The following SMG5 variants were observed in gnomAD, a reference collection of about 807,000 sequenced individuals.
The protein encoded by SMG5 is SMG5 nonsense mediated mRNA decay factor.
In SMG5, 53 loss-of-function variants were observed where a neutral mutation model predicts 122.9. That is an observed-to-expected ratio of 0.43 (90% CI 0.35 to 0.54). The LOEUF (loss-of-function observed/expected upper bound fraction) is 0.54, where lower values mean the gene tolerates loss of function less well. Ranked by LOEUF, SMG5 falls within the 20% of genes least tolerant of loss-of-function variation. SMG5 has a pLI of 0.01. For synonymous variants in SMG5, 477 were observed against 490.2 expected, an observed-to-expected ratio of 0.97 and a Z score of 0.35; for missense variants, 1,153 against 1,285.6, an observed-to-expected ratio of 0.90 and a Z score of 1.58.
chr1:156,278,250 A>G (rs1171291611), intron 2 of SMG5, among the ~76,000 whole-genome samples: 2 of 152,130 alleles, frequency 1.3e-5, no homozygotes, highest in African/African-American at 4.8e-5. Context: ...ACGAAGCACT[A>G]AACATTCTAA....
intron 7 of SMG5, among the ~76,000 whole-genome samples, chr1:156,270,019 G>A (rs1218507201): frequency 4.6e-5 from 7 of 152,164 alleles, no homozygotes; most frequent in Non-Finnish European, 1.0e-4. Context: ...CAGCCTAGGC[G>A]ACAGAGCAAG....
In SMG5 at chr1:156,253,505, G is replaced by C. The variant is rs368623768; in HGVS notation, c.2446C>G (p.Gln816Glu). Residue 816 changes from glutamine (Q) to glutamate (E), a missense_variant, in exon 17 of 22, where the codon CAG becomes GAG. Physicochemically the swap from Gln to Glu is conservative, Grantham distance 29. Transcript: ENST00000361813. ...AGCCTGTTCCGACGAGCTTCCTCCT[G>C]TGCCTATGAGGGAAAAAATGAGCTG... ...QQAQAQFRMA[Q>E]EEARRNRLMR... The C allele has an allele frequency of 6.2e-7, 1 of 1,614,026 alleles. No individual in the cohort carries two copies. Among genetic ancestry groups the C allele is most frequent in the East Asian group, 2.2e-5 (1 of 44,872 alleles).
At chr1:156,251,800 C>T (rs1661368900) in intron 19 of SMG5, among the ~76,000 whole-genome samples, 1 of 152,222 alleles carries the variant, frequency 6.6e-6, no homozygotes, top group Non-Finnish European at 1.5e-5. Context: ...CCAGCCAGAG[C>T]AGATGCAGAG....
intron 7 of SMG5, among the ~76,000 whole-genome samples, chr1:156,271,566 G>GTTTTTTTTTTTTTTTTTTTTTTTTT (rs755111375): frequency 2.4e-5 from 2 of 82,286 alleles, no homozygotes; most frequent in African/African-American, 4.7e-5. Context: ...CCCTGAAGAG[G>GTTTTTTTTTTTTTTTTTTTTTTTTT]TTTTTTTTTT....
At chr1:156,267,871 TTCAGC>T (rs1481834997) in intron 9 of SMG5, among the ~76,000 whole-genome samples, 193 bp from the exon 10 acceptor site, 1 of 152,178 alleles carries the variant, frequency 6.6e-6, no homozygotes, top group African/African-American at 2.4e-5. Context: ...AGGCTTCCCA[TTCAGC>T]CATTCCCTCT....
chr1:156,285,907 A>T, upstream of SMG5: 1 of 1,611,594 alleles, frequency 6.2e-7, no homozygotes, highest in Non-Finnish European at 8.5e-7. Flanking sequence ...TTGATGTCCC[A>T]CGGCTGCCCA....
chr1:156,253,396 G>A lies in SMG5; in HGVS notation c.2502+53C>T, dbSNP rs149543782. 200 of 1,578,350 alleles carry A rather than the reference G, an allele frequency of 1.3e-4. No individual in the cohort carries two copies. In the Middle Eastern group the frequency reaches 1.4e-3, roughly 11 times the overall value. ...AAGGGGGAGACCTGCCAGTAGGGTT[G>A]ACACAAAAGCTCTACCAAGTGCAGA... On this transcript the variant is annotated intron_variant, in intron 17 of 21. Coordinates refer to ENST00000361813, the MANE Select transcript of SMG5 (RefSeq NM_015327.3).
At chr1:156,264,455 G>T (rs999739095) in intron 12 of SMG5, among the ~76,000 whole-genome samples, 3 of 152,032 alleles carry the variant, frequency 2.0e-5, no homozygotes, top group Non-Finnish European at 1.5e-5. Context: ...TAGGGATACA[G>T]CAATAAGTAA....
chr1:156,253,587 C>T, intron 16 of SMG5, 79 bp from the exon 17 acceptor site: 1 of 1,366,864 alleles, frequency 7.3e-7, no homozygotes, highest in Non-Finnish European at 1.0e-6. Flanking sequence ...AAGAGGGTTT[C>T]CTGGGGTCTC....
intron 1 of SMG5, among the ~76,000 whole-genome samples, chr1:156,279,791 C>T (rs774528275): frequency 2.6e-5 from 4 of 152,018 alleles, no homozygotes; most frequent in Admixed American, 1.3e-4. Context: ...GCTGCTTAGC[C>T]GTAAGCAAGA....
chr1:156,269,251 C>T (rs931154451), intron 7 of SMG5, among the ~76,000 whole-genome samples: 2 of 151,916 alleles, frequency 1.3e-5, no homozygotes, highest in African/African-American at 4.8e-5. Flanking sequence ...ATTATAGGCA[C>T]GAGCCACTGC....
intron 13 of SMG5, among the ~76,000 whole-genome samples, chr1:156,262,579 A>G (rs1280508889): frequency 6.6e-6 from 1 of 151,758 alleles, no homozygotes; most frequent in Non-Finnish European, 1.5e-5. Flanking sequence ...TGGCTTCTCT[A>G]CGTCTAGCAG....
rs377384169 is a variant in SMG5 at position 156,251,241 on chromosome 1, C to T, written c.2828+162G>A. 17 of 943,904 alleles carry T rather than the reference C, an allele frequency of 1.8e-5. No individual in the cohort carries two copies. In the Middle Eastern group the frequency reaches 7.7e-4, roughly 43 times the overall value. 58.5% of individuals were successfully genotyped at this position (943,904 alleles called of 1,614,324 possible). On this transcript the variant is annotated intron_variant, in intron 20 of 21. Coordinates refer to ENST00000361813, the MANE Select transcript of SMG5 (RefSeq NM_015327.3). ...CTGCAGAGGAAAAGCTCAGGTGCTG[C>T]GGCAACTTCGTACTCCTCGCAAGGT...
At position 156,282,817 on chromosome 1, in the gene SMG5, G is replaced by T; in HGVS notation, c.-137C>A. 2.3e-6 allele frequency: 2 copies of T among 866,130 alleles called. No homozygotes were observed. The highest frequency in any genetic ancestry group is 3.4e-6 in the Non-Finnish European group (2 of 589,018). The allele number at this position is 866,130 out of a possible 1,614,324, so 53.7% of individuals were successfully genotyped here. ...CGGCCGCCATCGCTGTGAGGCGGCT[G>T]CCCGCGACAGCTCCTCCTCCGCCTG... On this transcript the variant is annotated 5_prime_UTR_variant, in exon 1 of 22. Transcript: ENST00000361813.
the SMG5 span, chr1:156,291,479 A>G: frequency 6.2e-7 from 1 of 1,613,138 alleles, no homozygotes; most frequent in Non-Finnish European, 8.5e-7. Context: ...GCTGATGTGG[A>G]ACCTCTACTA....
At chr1:156,286,357 CCA>C, upstream of SMG5, 1 of 1,614,166 alleles carries the variant, frequency 6.2e-7, no homozygotes, top group South Asian at 1.1e-5. Flanking sequence ...GATATGTGGC[CCA>C]GTCGGTCCAG....
intron 7 of SMG5, among the ~76,000 whole-genome samples, chr1:156,271,566 GTT>G (rs755111375): frequency 0.2 from 16,402 of 80,734 alleles, 386 homozygotes; most frequent in Non-Finnish European, 0.22. Flanking sequence ...CCCTGAAGAG[GTT>G]TTTTTTTTTT....
intron 2 of SMG5, among the ~76,000 whole-genome samples, chr1:156,278,344 T>C (rs1051526545): frequency 2.0e-5 from 3 of 152,008 alleles, no homozygotes; most frequent in Non-Finnish European, 2.9e-5. Flanking sequence ...TTATGCAGTA[T>C]GGCCGACTCC....
At chr1:156,271,047 A>G (rs757953198) in intron 7 of SMG5, among the ~76,000 whole-genome samples, 1 of 152,064 alleles carries the variant, frequency 6.6e-6, no homozygotes, top group Non-Finnish European at 1.5e-5. Context: ...AAGATACACC[A>G]GGTTATAAAC....
Sources: allele counts gnomAD v4.1 joint callset (sites outside exome capture counted in the v4.1 genomes callset), GRCh38; gene constraint gnomAD v4.1.1; transcripts MANE v1.5; gene names NCBI Gene and HGNC (gene_info 2026-07-23, HGNC 2026-07-21).